Variants in HDAC11 observed in about 807,000 individuals in gnomAD.
The protein encoded by HDAC11 is histone deacetylase 11.
HDAC11 carries 23 observed loss-of-function variants against 41.1 expected under a neutral mutation model. That is an observed-to-expected ratio of 0.56 (90% CI 0.40 to 0.79). The LOEUF is 0.79. Ranked by LOEUF, HDAC11 falls within the 30% of genes least tolerant of loss-of-function variation. The pLI is 0.00. For missense variants in HDAC11, 402 were observed against 477.3 expected (o/e 0.84, Z 1.47); for synonymous variants, 187 against 186.6 (o/e 1.00, Z -0.02).
chr3:13,483,480 T>A lies in HDAC11; in HGVS notation c.168T>A (p.Ser56=). Reference sequence around the variant, plus strand: ...TGGTTTCAGAAGAGAAGCTTCTGTCTGACAGCATGCTGGTGGAGGCGCGGG... The same window carrying A: ...TGGTTTCAGAAGAGAAGCTTCTGTCAGACAGCATGCTGGTGGAGGCGCGGG... ...INFLKEEKLL[S]DSMLVEAREA... Residue 56 remains serine (S), a synonymous_variant, in exon 3 of 10, where the codon TCT becomes TCA. Coordinates refer to ENST00000295757, the MANE Select transcript of HDAC11 (RefSeq NM_024827.4). 1.2e-6 allele frequency: 2 copies of A among 1,614,086 alleles called. No homozygotes were observed. Among genetic ancestry groups the A allele is most frequent in the Non-Finnish European group, 1.7e-6 (2 of 1,179,938 alleles).
At chr3:13,482,073 C>G (rs1701347098) in intron 2 of HDAC11, among the ~76,000 whole-genome samples, 1 of 152,202 alleles carries the variant, frequency 6.6e-6, no homozygotes, top group South Asian at 2.1e-4. Context: ...GGGAAGGACA[C>G]AGCTCCCATT....
chr3:13,498,407 C>A, intron 4 of HDAC11, 106 bp from the exon 5 acceptor site: 2 of 1,398,316 alleles, frequency 1.4e-6, no homozygotes, highest in Non-Finnish European at 1.0e-6. Context: ...ATCCTTCCCC[C>A]AGAGCTGGCT....
rs1226568307 is a variant in HDAC11, at chr3:13,480,338, C to A, written c.-10C>A. 2.2e-5 allele frequency: 27 copies of A among 1,223,718 alleles called. No homozygotes were observed. Among genetic ancestry groups the A allele is most frequent in the Non-Finnish European group, 2.7e-5 (27 of 982,792 alleles). 75.8% of individuals were successfully genotyped at this position (1,223,718 alleles called of 1,614,324 possible). On this transcript the variant is annotated 5_prime_UTR_variant, in exon 1 of 10. Coordinates refer to ENST00000295757, the MANE Select transcript of HDAC11 (RefSeq NM_024827.4). This position sits in a 1 kb window ranked among gnomAD's most constrained non-coding sequence, Gnocchi z 4.6. ...GAGCTGCGGCCAGCTTTGGGAGGGCCGGCCCCGGGATGTGAGTGCCGCGGG... is the reference window on the plus strand; with the variant it reads ...GAGCTGCGGCCAGCTTTGGGAGGGCAGGCCCCGGGATGTGAGTGCCGCGGG...
At position 13,480,367 on chromosome 3, in the gene HDAC11, A is replaced by AG; in HGVS notation, c.2+21dup. Reference sequence around the variant, plus strand: ...CCCGGGATGTGAGTGCCGCGGGGCGAGGGCGGGGGTGGGCTCCCAGGGGTC... The same window carrying AG: ...CCCGGGATGTGAGTGCCGCGGGGCGAGGGGCGGGGGTGGGCTCCCAGGGGTC... On this transcript the variant is annotated intron_variant, in intron 1 of 9. Coordinates refer to ENST00000295757, the MANE Select transcript of HDAC11 (RefSeq NM_024827.4). This position sits in a 1 kb window ranked among gnomAD's most constrained non-coding sequence, Gnocchi z 4.6. The AG allele has an allele frequency of 8.4e-7, 1 of 1,194,852 alleles. No homozygotes were observed. The highest frequency in any genetic ancestry group is 1.0e-6 in the Non-Finnish European group (1 of 963,550). The allele number at this position is 1,194,852 out of a possible 1,614,324, so 74.0% of individuals were successfully genotyped here. A position where few individuals can be genotyped will look rare whatever the true frequency, so the allele number is the denominator to read the frequency against.
intron 3 of HDAC11, among the ~76,000 whole-genome samples, chr3:13,485,071 G>C (rs1351790333): frequency 2.0e-5 from 3 of 152,236 alleles, no homozygotes; most frequent in African/African-American, 7.2e-5. Context: ...GAAAAGCCTA[G>C]GTCCAGAAAG....
chr3:13,481,215 A>C (rs757324125), intron 1 of HDAC11, 31 bp from the exon 2 acceptor site: 1 of 1,602,546 alleles, frequency 6.2e-7, no homozygotes, highest in Non-Finnish European at 8.5e-7. Context: ...AGGCTGCCCC[A>C]GCTGTGCGTC....
At position 13,488,992 on chromosome 3, in the gene HDAC11, T is replaced by G. The variant is rs116169755; in HGVS notation, c.252+5428T>G. Reference sequence around the variant, plus strand: ...TGGTATCTCATGGTTTTAATTTGCATTTACCTAATGGCTAATTAACACTGA... The same window carrying G: ...TGGTATCTCATGGTTTTAATTTGCAGTTACCTAATGGCTAATTAACACTGA... On this transcript the variant is annotated intron_variant, in intron 3 of 9. Transcript: ENST00000295757. Among the ~76,000 whole-genome samples the G allele has an allele frequency of 3.5e-3, 531 of 152,300 alleles. 2 individuals are homozygous for G. The highest frequency in any genetic ancestry group is 0.011 in the African/African-American group (462 of 41,554).
intron 5 of HDAC11, among the ~76,000 whole-genome samples, chr3:13,500,283 C>A (rs1277564603): frequency 6.6e-6 from 1 of 152,112 alleles, no homozygotes. Context: ...CTCTAGGGCC[C>A]TCCTCGTGGC....
rs748301351 is a variant in HDAC11, at chr3:13,502,849, C to G, written c.553-35C>G. 18 of 1,574,438 alleles carry G rather than the reference C, an allele frequency of 1.1e-5. No individual in the cohort carries two copies. In the Admixed American group the frequency reaches 3.0e-4, roughly 26 times the overall value. On this transcript the variant is annotated intron_variant, in intron 7 of 9. Coordinates refer to ENST00000295757, the MANE Select transcript of HDAC11 (RefSeq NM_024827.4). The surrounding 1 kb of genome is among the most constrained non-coding windows in gnomAD (Gnocchi z 4.1). ...CAGAGCCCCAGCCTTGCCTAGGGCA[C>G]CTACCCGAGAGCGGCTACTGTGACC...
chr3:13,487,809 A>C (rs1203292271), intron 3 of HDAC11, among the ~76,000 whole-genome samples: 1 of 152,140 alleles, frequency 6.6e-6, no homozygotes, highest in Non-Finnish European at 1.5e-5. Context: ...TGGAGCTGGC[A>C]TTTAGGTGGG....
At chr3:13,482,387 C>G (rs1701361487) in intron 2 of HDAC11, among the ~76,000 whole-genome samples, 1 of 152,206 alleles carries the variant, frequency 6.6e-6, no homozygotes. Context: ...TTACTATTGC[C>G]TGCAGGCTGT....
chr3:13,486,249 A>G (rs542921921), intron 3 of HDAC11, among the ~76,000 whole-genome samples: 33 of 146,172 alleles, frequency 2.3e-4, no homozygotes, highest in African/African-American at 7.8e-4. Flanking sequence ...CTTGGGCAAT[A>G]AGAGTGAAAC....
intron 3 of HDAC11, among the ~76,000 whole-genome samples, chr3:13,492,852 G>A (rs1701929169): frequency 6.6e-6 from 1 of 152,146 alleles, no homozygotes; most frequent in South Asian, 2.1e-4. Context: ...CTGGGTGTGG[G>A]GATTTTAGAT....
At position 13,505,675 on chromosome 3, in the gene HDAC11, C is replaced by G. The variant is rs962779941; in HGVS notation, c.*992C>G. On this transcript the variant is annotated 3_prime_UTR_variant, in exon 10 of 10. Coordinates refer to ENST00000295757, the MANE Select transcript of HDAC11 (RefSeq NM_024827.4). The stretch of plus-strand genomic sequence containing the variant: ...TTCCTGGAGAGAGGGCAGCGAGGAT[C>G]TCTATCCTGGCCTGGGGATTATGAA... 11 of 152,348 alleles carry G rather than the reference C, an allele frequency of 7.2e-5. No individual in the cohort carries two copies. Among genetic ancestry groups the G allele is most frequent in the African/African-American group, 2.7e-4 (11 of 41,428 alleles). 9.4% of individuals were successfully genotyped at this position (152,348 alleles called of 1,614,324 possible).
chr3:13,503,923 C>T (rs1037850698), intron 8 of HDAC11, among the ~76,000 whole-genome samples, 171 bp from the exon 9 acceptor site: 1 of 152,198 alleles, frequency 6.6e-6, no homozygotes, highest in African/African-American at 2.4e-5. Flanking sequence ...TCCTTTGAGT[C>T]CCCCTTTTTG....
intron 1 of HDAC11, 166 bp from the exon 2 acceptor site, chr3:13,481,080 G>T: frequency 1.4e-6 from 1 of 703,706 alleles, no homozygotes; most frequent in East Asian, 2.8e-5. Flanking sequence ...TTGGGTTCCG[G>T]GAAAGGCAGC....
Position 13,505,000 on chromosome 3 carries a change from G to T in HDAC11, c.*317G>T, listed in dbSNP as rs1351974797. 3.4e-5 allele frequency: 14 copies of T among 416,122 alleles called. No individual in the cohort carries two copies. The South Asian group carries it at 3.8e-4, about 11-fold the overall frequency. 25.8% of individuals were successfully genotyped at this position (416,122 alleles called of 1,614,324 possible). On this transcript the variant is annotated 3_prime_UTR_variant, in exon 10 of 10. Coordinates refer to ENST00000295757, the MANE Select transcript of HDAC11 (RefSeq NM_024827.4). ...ACAGGCTAGGTCCCAGGCACAGCGA[G>T]GGCCCTGGGCTTGGGGTGTTCTGGT...
At chr3:13,481,124 C>A in intron 1 of HDAC11, 122 bp from the exon 2 acceptor site, 1 of 1,061,818 alleles carries the variant, frequency 9.4e-7, no homozygotes, top group Non-Finnish European at 1.3e-6. Context: ...GGGCCCTTGT[C>A]TGCGGCTGAG....
intron 3 of HDAC11, among the ~76,000 whole-genome samples, chr3:13,487,371 T>G (rs1337419707): frequency 6.6e-6 from 1 of 152,200 alleles, no homozygotes; most frequent in Non-Finnish European, 1.5e-5. Context: ...CTCCCCTGCC[T>G]CATCCCATTC....
Sources: gnomAD v4.1 joint callset for allele counts (sites outside exome capture counted in the v4.1 genomes callset) on GRCh38, gnomAD v4.1.1 for gene constraint, Gnocchi (gnomAD v3.1) non-coding constraint, MANE v1.5 for transcripts, NCBI Gene and HGNC (gene_info 2026-07-23, HGNC 2026-07-21) for gene names.